The following ZFYVE9 variants were observed in gnomAD, a reference collection of about 807,000 sequenced individuals.
ZFYVE9 encodes the protein zinc finger FYVE-type containing 9, also known as zinc finger FYVE domain-containing protein 9.
A neutral mutation model predicts 126.7 loss-of-function variants in ZFYVE9; 43 were observed. That is an observed-to-expected ratio of 0.34 (90% confidence interval 0.27 to 0.44). ZFYVE9 has a LOEUF of 0.44. ZFYVE9 is among the 20% of genes least tolerant of loss of function. The pLI is 1.00. For synonymous variants in ZFYVE9, 521 were observed against 597.4 expected, an observed-to-expected ratio of 0.87 and a Z score of 1.87; for missense variants, 1,476 against 1,697.0, an observed-to-expected ratio of 0.87 and a Z score of 2.29.
intron 2 of ZFYVE9, among the ~76,000 whole-genome samples, chr1:52,218,307 A>G (rs779340009): frequency 1.3e-5 from 2 of 152,150 alleles, no homozygotes; most frequent in African/African-American, 4.8e-5. Flanking sequence ...ACTAGGGCTG[A>G]CTGATTGGTT....
At chr1:52,277,541 A>G (rs1645759946) in intron 8 of ZFYVE9, among the ~76,000 whole-genome samples, 1 of 152,182 alleles carries the variant, frequency 6.6e-6, no homozygotes, top group African/African-American at 2.4e-5. Flanking sequence ...TCTCTTTCCA[A>G]TAAATATTTT....
Position 52,266,703 on chromosome 1 carries a change from C to T in ZFYVE9, c.2327C>T (p.Pro776Leu). 6.2e-7 allele frequency: 1 copy of T among 1,610,956 alleles called. No homozygotes were observed. Among genetic ancestry groups the T allele is most frequent in the Non-Finnish European group, 8.5e-7 (1 of 1,178,684 alleles). ...AGTGCCTCAAGCCAGAGCCCTAACC[C>T]TAACAATCCTGCTGAATACTGTTCT... ...MMSASSQSPN[P>L]NNPAEYCSTI... Residue 776 changes from proline to leucine, a missense_variant, in exon 6 of 19, where the codon CCT (proline) becomes CTT (leucine). By Grantham distance (98) the Pro-to-Leu change is moderately conservative. Around this residue, in one of 2 missense-constraint regions of ZFYVE9, gnomAD observed 669 missense variants for 902.4 expected, o/e 0.74. Transcript: ENST00000287727.
At chr1:52,246,974 T>C (rs1472321398) in intron 4 of ZFYVE9, among the ~76,000 whole-genome samples, 1 of 151,988 alleles carries the variant, frequency 6.6e-6, no homozygotes, top group Non-Finnish European at 1.5e-5. Flanking sequence ...TTCCAAAGTG[T>C]TGGGATTACA....
intron 1 of ZFYVE9, chr1:52,162,180 A>G (rs2124512997): frequency 4.5e-6 from 1 of 220,206 alleles, no homozygotes; most frequent in Non-Finnish European, 9.9e-6. Context: ...CCATTTCATT[A>G]TCAATAGTGT....
chr1:52,231,780 C>T (rs1227193115), intron 2 of ZFYVE9, among the ~76,000 whole-genome samples: 1 of 151,876 alleles, frequency 6.6e-6, no homozygotes, highest in Non-Finnish European at 1.5e-5. Flanking sequence ...CACGCTACCA[C>T]TCCTGCCTAA....
At chr1:52,161,375 C>T (rs553304828) in intron 1 of ZFYVE9, among the ~76,000 whole-genome samples, 5 of 152,246 alleles carry the variant, frequency 3.3e-5, no homozygotes, top group East Asian at 1.9e-4. Context: ...CTGCAACCTC[C>T]GCCTCCTGGG....
chr1:52,311,455 G>A (rs985435384), intron 13 of ZFYVE9, among the ~76,000 whole-genome samples: 1 of 152,004 alleles, frequency 6.6e-6, no homozygotes, highest in Non-Finnish European at 1.5e-5. Flanking sequence ...GGTAGAGACA[G>A]GGTTTCACCA....
At chr1:52,323,488 GC>G (rs1344961046) in intron 13 of ZFYVE9, among the ~76,000 whole-genome samples, 1 of 152,224 alleles carries the variant, frequency 6.6e-6, no homozygotes, top group Non-Finnish European at 1.5e-5. Flanking sequence ...ACTGAATAAA[GC>G]AAGCACTAAA....
chr1:52,201,047 G>A (rs1188111891), intron 1 of ZFYVE9, among the ~76,000 whole-genome samples: 2 of 152,140 alleles, frequency 1.3e-5, no homozygotes, highest in Admixed American at 6.5e-5. Context: ...GACTGGGATT[G>A]TGTTGAATCT....
chr1:52,191,892 T>C (rs1644819299), intron 1 of ZFYVE9, among the ~76,000 whole-genome samples: 1 of 152,192 alleles, frequency 6.6e-6, no homozygotes, highest in Non-Finnish European at 1.5e-5. Context: ...AAAAGCTGTG[T>C]CTAGTGTGCT....
At chr1:52,302,223 T>G (rs1390499880) in intron 12 of ZFYVE9, among the ~76,000 whole-genome samples, 1 of 152,244 alleles carries the variant, frequency 6.6e-6, no homozygotes, top group East Asian at 1.9e-4. Context: ...CCAGACATTC[T>G]GATTTTACCA....
chr1:52,266,897 G>A lies in ZFYVE9; in HGVS notation c.2455+66G>A, dbSNP rs1557490427. The A allele has an allele frequency of 1.7e-5, 24 of 1,425,954 alleles. No individual in the cohort carries two copies. The East Asian group carries it at 6.0e-4, about 36-fold the overall frequency. 88.3% of individuals were successfully genotyped at this position (1,425,954 alleles called of 1,614,324 possible). A position where few individuals can be genotyped will look rare whatever the true frequency, so the allele number is the denominator to read the frequency against. On this transcript the variant is annotated intron_variant, in intron 6 of 18. Coordinates refer to ENST00000287727, the MANE Select transcript of ZFYVE9 (RefSeq NM_004799.4). ...AGTTCCTCTGAAAAGGTGCTGATAT[G>A]ACTTTACAGCACAAGTCTTAAAAAA... is the stretch of plus-strand genomic sequence containing the variant.
intron 2 of ZFYVE9, among the ~76,000 whole-genome samples, chr1:52,224,246 G>C (rs181084738): frequency 6.6e-6 from 1 of 152,262 alleles, no homozygotes; most frequent in Admixed American, 6.5e-5. Context: ...GCGGGGATGT[G>C]GGGTGGCATG....
In ZFYVE9 at chr1:52,165,505, G is replaced by T. The variant is rs565719906; in HGVS notation, c.-143+23102G>T. ...ATATAGAAGGGAACAGAATAAATCA[G>T]TTGAGACCTGGGGGAAAATATGATT... is the stretch of plus-strand genomic sequence containing the variant. On this transcript the variant is annotated intron_variant, in intron 1 of 18. Transcript: ENST00000287727. Among the ~76,000 whole-genome samples the T allele has an allele frequency of 2.0e-5, 3 of 152,302 alleles. No homozygotes were observed. In the South Asian group the frequency reaches 6.2e-4, roughly 32 times the overall value.
chr1:52,265,687 A>T (rs1025268545), intron 5 of ZFYVE9, among the ~76,000 whole-genome samples: 4 of 152,214 alleles, frequency 2.6e-5, no homozygotes, highest in African/African-American at 9.6e-5. Context: ...CACACCAAAG[A>T]TGTGAAATGG....
At chr1:52,283,846 T>C (rs1382957648) in intron 10 of ZFYVE9, among the ~76,000 whole-genome samples, 2 of 152,214 alleles carry the variant, frequency 1.3e-5, no homozygotes, top group Non-Finnish European at 2.9e-5. Flanking sequence ...ATCATTTTTA[T>C]AATATATAGA....
intron 4 of ZFYVE9, among the ~76,000 whole-genome samples, chr1:52,255,397 G>A (rs536730738): frequency 3.8e-4 from 56 of 146,492 alleles, no homozygotes; most frequent in Non-Finnish European, 7.0e-4. Flanking sequence ...CAGCCTGACC[G>A]ACCTATGGAG....
intron 1 of ZFYVE9, among the ~76,000 whole-genome samples, chr1:52,158,942 G>A (rs1644429001): frequency 1.3e-5 from 2 of 151,940 alleles, no homozygotes; most frequent in African/African-American, 4.8e-5. Context: ...ACAGGCGCCT[G>A]CCACCATGCC....
At chr1:52,174,074 T>C (rs1031943742) in intron 1 of ZFYVE9, among the ~76,000 whole-genome samples, 3 of 152,172 alleles carry the variant, frequency 2.0e-5, no homozygotes, top group Non-Finnish European at 4.4e-5. Context: ...CTTGCTTTTC[T>C]AGTTCTTTTA....
Sources: allele counts gnomAD v4.1 joint callset (sites outside exome capture counted in the v4.1 genomes callset), GRCh38; gene constraint gnomAD v4.1.1; regional missense constraint gnomAD v4.1.1; transcripts MANE v1.5; gene names NCBI Gene and HGNC (gene_info 2026-07-23, HGNC 2026-07-21).